The following GNS variants were observed in gnomAD, a reference collection of about 807,000 sequenced individuals.
GNS encodes the protein N-acetylglucosamine-6-sulfatase.
GNS carries 40 observed loss-of-function variants against 69.7 expected under a neutral mutation model. The observed-to-expected ratio is 0.57, with a 90% CI of 0.45 to 0.75. The LOEUF (loss-of-function observed/expected upper bound fraction) is 0.75. Among genes scored for constraint, GNS ranks in the 30% least tolerant of loss-of-function variants. The pLI, the probability that GNS is intolerant of heterozygous loss-of-function variation, is 0.00. For synonymous variants in GNS, 243 were observed against 251.6 expected, an observed-to-expected ratio of 0.97 and a Z score of 0.32; for missense variants, 565 against 685.5, an observed-to-expected ratio of 0.82 and a Z score of 1.96.
At chr12:64,722,736 AAAAC>A (rs1214930032) in intron 11 of GNS, 9 of 425,898 alleles carry the variant, frequency 2.1e-5, no homozygotes, top group African/African-American at 1.4e-4. Flanking sequence ...GAGGGGTAGA[AAAAC>A]AGGGAAGAGG....
chr12:64,747,607 T>C, intron 3 of GNS, 105 bp downstream of exon 3: 1 of 743,914 alleles, frequency 1.3e-6, no homozygotes, highest in Non-Finnish European at 2.3e-6. Flanking sequence ...GAAAACAACG[T>C]ATACCAAGAA....
Position 64,720,023 on chromosome 12 carries a change from C to T in GNS, c.1579G>A (p.Gly527Arg), listed in dbSNP as rs767876998. Residue 527 changes from glycine to arginine, a missense_variant and splice_region_variant, in exon 13 of 14, where the codon GGA becomes AGA. By Grantham distance (125) the Gly-to-Arg change is moderately radical. Around this residue, in one of 2 missense-constraint regions of GNS, gnomAD observed 384 missense variants for 511.0 expected, o/e 0.75. Coordinates refer to ENST00000258145, the MANE Select transcript of GNS (RefSeq NM_002076.4). ...TCRTPGVFDP[G>R]YRFDPRLMFS... The stretch of plus-strand genomic sequence containing the variant: ...TAAATGAAGAGAAAGGAAACTTACC[C>T]GGGGTCAAAAACCCCTGGAGTGCGA... 11 of 1,610,246 alleles carry T rather than the reference C, an allele frequency of 6.8e-6. 1 individual carries two copies. Among genetic ancestry groups the T allele is most frequent in the Middle Eastern group, 1.6e-4 (1 of 6,072 alleles).
intron 1 of GNS, 71 bp downstream of exon 1, chr12:64,759,014 C>T: frequency 1.5e-6 from 2 of 1,293,240 alleles, no homozygotes; most frequent in South Asian, 2.5e-5. Flanking sequence ...TGGTGGGGAC[C>T]GGGAAAGAGA....
rs1870402395 is a variant in GNS at position 64,759,390 on chromosome 12, G to A, written c.-114C>T. The A allele has an allele frequency of 2.9e-6, 2 of 700,930 alleles. No homozygotes were observed. The highest frequency in any genetic ancestry group is 5.5e-5 in the East Asian group (2 of 36,328). 43.4% of individuals were successfully genotyped at this position (700,930 alleles called of 1,614,324 possible). A position where few individuals can be genotyped will look rare whatever the true frequency, so the allele number is the denominator to read the frequency against. ...AATAAAAAGCCGTGCCTTGAAGGCC[G>A]GTGGCTGGAGTCAGACGTTTTCTCC... On this transcript the variant is annotated 5_prime_UTR_variant, in exon 1 of 14. Coordinates refer to ENST00000258145, the MANE Select transcript of GNS (RefSeq NM_002076.4).
chr12:64,752,926 G>A (rs764137371), intron 1 of GNS, 169 bp from the exon 2 acceptor site: 10 of 629,190 alleles, frequency 1.6e-5, no homozygotes, highest in African/African-American at 3.7e-5. Flanking sequence ...GTTTGGTTCC[G>A]GCCAGCTCCA....
chr12:64,719,274 A>G (rs1256053225), intron 13 of GNS, among the ~76,000 whole-genome samples: 1 of 152,236 alleles, frequency 6.6e-6, no homozygotes, highest in East Asian at 1.9e-4. Flanking sequence ...AACTTAGGAC[A>G]TCATTCTTCC....
At chr12:64,719,943 A>C in intron 13 of GNS, 79 bp downstream of exon 13, 1 of 912,172 alleles carries the variant, frequency 1.1e-6, no homozygotes, top group Non-Finnish European at 1.9e-6. Flanking sequence ...TCACAGCAAA[A>C]AGGGCTCCCT....
At position 64,722,956 on chromosome 12, in the gene GNS, C is replaced by CT. The variant is rs1239453318; in HGVS notation, c.1308+49_1308+50insA. ...TTGACACATGGCAACCAGCACCTTG[C>CT]CATGTTGTCAGTGAGAAAGCTGTCT... On this transcript the variant is annotated intron_variant, in intron 11 of 13. Coordinates refer to ENST00000258145, the MANE Select transcript of GNS (RefSeq NM_002076.4). The CT allele has an allele frequency of 2.8e-6, 3 of 1,079,564 alleles. No individual in the cohort carries two copies. In the East Asian group the frequency reaches 7.1e-5, roughly 25 times the overall value. 66.9% of individuals were successfully genotyped at this position (1,079,564 alleles called of 1,614,324 possible).
chr12:64,722,613 T>G (rs1345271448), intron 11 of GNS, among the ~76,000 whole-genome samples: 1 of 152,220 alleles, frequency 6.6e-6, no homozygotes, highest in Non-Finnish European at 1.5e-5. Context: ...CCTGCCTGGC[T>G]GCCGCCAATG....
chr12:64,749,248 C>CTT (rs759239939), intron 2 of GNS, among the ~76,000 whole-genome samples: 104 of 65,044 alleles, frequency 1.6e-3, no homozygotes, highest in East Asian at 2.4e-3. Flanking sequence ...CTTGATTTGG[C>CTT]TTTTTTTTTT....
At chr12:64,728,556 G>C (rs556108647) in intron 10 of GNS, among the ~76,000 whole-genome samples, 8 of 152,298 alleles carry the variant, frequency 5.3e-5, no homozygotes, top group African/African-American at 1.7e-4. Flanking sequence ...GCATTTCTGT[G>C]ATTAGCACTG....
At chr12:64,756,858 T>TA (rs1057395032) in intron 1 of GNS, 19 of 643,746 alleles carry the variant, frequency 3.0e-5, no homozygotes, top group Admixed American at 5.4e-5. Context: ...AAACACTTAT[T>TA]AAAAAAAAGA....
chr12:64,721,498 G>T, intron 12 of GNS, 97 bp downstream of exon 12: 1 of 769,756 alleles, frequency 1.3e-6, no homozygotes, highest in South Asian at 1.4e-5. Flanking sequence ...CTCTTCCCTA[G>T]GGAGCAGCCT....
At chr12:64,721,998 G>A (rs1039746745) in intron 11 of GNS, among the ~76,000 whole-genome samples, 1 of 151,052 alleles carries the variant, frequency 6.6e-6, no homozygotes, top group African/African-American at 2.5e-5. Context: ...GGGTTGGCAA[G>A]GAGAAGAAAT....
intron 9 of GNS, among the ~76,000 whole-genome samples, chr12:64,732,155 T>G: frequency 1.1e-5 from 1 of 93,376 alleles, no homozygotes; most frequent in Non-Finnish European, 2.0e-5. Flanking sequence ...CCTGGCTAAT[T>G]TTTTTTTTTT....
At position 64,739,579 on chromosome 12, in the gene GNS, C is replaced by CCAAAAA. The variant is rs1210081985; in HGVS notation, c.876-86_876-81dup. 1.0e-5 allele frequency: 7 copies of CCAAAAA among 684,966 alleles called. No homozygotes were observed. The African/African-American group carries it at 1.3e-4, about 13-fold the overall frequency. The allele number at this position is 684,966 out of a possible 1,614,324, so 42.4% of individuals were successfully genotyped here. On this transcript the variant is annotated intron_variant, in intron 7 of 13. Transcript: ENST00000258145. Reference sequence around the variant, plus strand: ...ACTATCTTGCCAAAAAAAAAAAAAACCAAAAACAAAAACAAAGACACCCCC... The same window carrying CCAAAAA: ...ACTATCTTGCCAAAAAAAAAAAAAACCAAAAACAAAAACAAAAACAAAGACACCCCC...
At chr12:64,742,023 C>CTTATT (rs1192541522) in intron 6 of GNS, among the ~76,000 whole-genome samples, 12 of 151,884 alleles carry the variant, frequency 7.9e-5, no homozygotes, top group Admixed American at 7.9e-4. Context: ...CTCATCTCAT[C>CTTATT]TTATTTTATT....
At chr12:64,732,878 C>T (rs1162482879) in intron 9 of GNS, among the ~76,000 whole-genome samples, 2 of 152,142 alleles carry the variant, frequency 1.3e-5, no homozygotes, top group African/African-American at 2.4e-5. Flanking sequence ...GGATTACAGG[C>T]GTGAGCCACC....
intron 1 of GNS, chr12:64,756,627 T>G (rs1287318810): frequency 1.3e-6 from 1 of 748,538 alleles, no homozygotes; most frequent in Non-Finnish European, 2.3e-6. Context: ...AGCAGAGGAC[T>G]CCTGTGATGA....
Sources: gnomAD v4.1 joint callset for allele counts (sites outside exome capture counted in the v4.1 genomes callset) on GRCh38, gnomAD v4.1.1 for gene constraint, gnomAD v4.1.1 regional missense constraint, MANE v1.5 for transcripts, NCBI Gene and HGNC (gene_info 2026-07-23, HGNC 2026-07-21) for gene names.